REV3L: variants seen among roughly 807,000 people sequenced by gnomAD.
REV3L encodes the protein REV3 like, DNA directed polymerase zeta catalytic subunit.
A neutral mutation model predicts 299.4 loss-of-function variants in REV3L; 69 were observed. The ratio of observed to expected loss-of-function variants is 0.23; its 90% CI spans 0.19 to 0.28. REV3L has a LOEUF of 0.28. Ranked by LOEUF, REV3L falls within the 10% of genes least tolerant of loss-of-function variation. The pLI, the probability that REV3L is intolerant of heterozygous loss-of-function variation, is 1.00. For missense variants in REV3L, 3,128 were observed against 3,693.8 expected (o/e 0.85, Z 3.97); for synonymous variants, 1,238 against 1,271.4 (o/e 0.97, Z 0.56).
intron 26 of REV3L, among the ~76,000 whole-genome samples, chr6:111,317,419 C>G (rs918021680): frequency 6.6e-6 from 1 of 152,190 alleles, no homozygotes; most frequent in Non-Finnish European, 1.5e-5. Context: ...GGCTATACTT[C>G]GAACCATCTG....
chr6:111,310,333 AAAAT>A (rs1205373309), intron 29 of REV3L: 1 of 352,166 alleles, frequency 2.8e-6, no homozygotes, highest in Non-Finnish European at 4.9e-6. Context: ...TGTTACCTGG[AAAAT>A]AATGAGTTGG....
At position 111,405,541 on chromosome 6, in the gene REV3L, A is replaced by C; in HGVS notation, c.494T>G (p.Ile165Ser). The C allele has an allele frequency of 6.2e-7, 1 of 1,609,886 alleles. No individual in the cohort carries two copies. The highest frequency in any genetic ancestry group is 8.5e-7 in the Non-Finnish European group (1 of 1,178,066). Reference sequence around the variant, plus strand: ...ATTCATGCCATAAAGATTGTAGTCAATGAAGAGCTGTAGGAGGTAGGGAAT... The same window carrying C: ...ATTCATGCCATAAAGATTGTAGTCACTGAAGAGCTGTAGGAGGTAGGGAAT... ...AHIPYLLQLF[I>S]DYNLYGMNLI... is the part of the protein sequence containing the mutation. Residue 165 changes from isoleucine to serine, a missense_variant, in exon 4 of 32, where the codon ATT becomes AGT. Ile to Ser is a moderately radical substitution (Grantham distance 142). Coordinates refer to ENST00000368802, the MANE Select transcript of REV3L (RefSeq NM_001372078.1).
In REV3L at chr6:111,315,346, T is replaced by A; in HGVS notation, c.8387A>T (p.Gln2796Leu). The change falls in exon 27 of 32, where the codon CAG becomes CTG. Residue 2796 changes from glutamine (Q) to leucine (L), a missense_variant. Coordinates refer to ENST00000368802, the MANE Select transcript of REV3L (RefSeq NM_001372078.1). Reference sequence around the variant, plus strand: ...AATTTCCTGACCAATCTTAAAAGACTGCTCCTTAGTGGCTCCTTTCAGTAG... The same window carrying A: ...AATTTCCTGACCAATCTTAAAAGACAGCTCCTTAGTGGCTCCTTTCAGTAG... Reference protein sequence around the residue: ...FVLLKGATKEQSFKIGQEIAE... With the variant: ...FVLLKGATKELSFKIGQEIAE... 6.2e-7 allele frequency: 1 copy of A among 1,614,070 alleles called. No homozygotes were observed. The highest frequency in any genetic ancestry group is 8.5e-7 in the Non-Finnish European group (1 of 1,179,980).
intron 22 of REV3L, among the ~76,000 whole-genome samples, chr6:111,334,504 A>T (rs1775721786): frequency 6.6e-6 from 1 of 152,202 alleles, no homozygotes; most frequent in Non-Finnish European, 1.5e-5. Flanking sequence ...AAAAGAACTG[A>T]ATAGTAATCA....
intron 1 of REV3L, among the ~76,000 whole-genome samples, chr6:111,433,117 C>T (rs532502379): frequency 5.1e-4 from 78 of 152,046 alleles, no homozygotes; most frequent in African/African-American, 1.8e-3. Context: ...AATAGACAAC[C>T]TAATGGTATA....
intron 1 of REV3L, among the ~76,000 whole-genome samples, chr6:111,451,603 T>C (rs1583042309): frequency 6.6e-6 from 1 of 152,146 alleles, no homozygotes; most frequent in African/African-American, 2.4e-5. Context: ...ACTCTGCCTA[T>C]ATTTAAAGCA....
intron 1 of REV3L, among the ~76,000 whole-genome samples, chr6:111,435,956 A>G (rs1348061190): frequency 1.3e-5 from 2 of 152,240 alleles, no homozygotes; most frequent in African/African-American, 2.4e-5. Flanking sequence ...AAACAACTCA[A>G]TAACAACAAA....
chr6:111,437,417 T>C (rs1487072053), intron 1 of REV3L, among the ~76,000 whole-genome samples: 1 of 151,926 alleles, frequency 6.6e-6, no homozygotes, highest in Non-Finnish European at 1.5e-5. Context: ...TAAAAAGGAA[T>C]GAAGTGCTGA....
At chr6:111,462,800 T>C (rs952530187) in intron 1 of REV3L, among the ~76,000 whole-genome samples, 2 of 152,102 alleles carry the variant, frequency 1.3e-5, no homozygotes, top group African/African-American at 4.8e-5. Flanking sequence ...GACGAATAAA[T>C]AGTAAATATA....
chr6:111,319,796 A>C (rs906757185), intron 26 of REV3L, among the ~76,000 whole-genome samples: 1 of 151,792 alleles, frequency 6.6e-6, no homozygotes, highest in Non-Finnish European at 1.5e-5. Context: ...CTAGAAAGAG[A>C]ATCCAGGTCT....
At chr6:111,436,987 T>C (rs769862293) in intron 1 of REV3L, among the ~76,000 whole-genome samples, 14 of 152,178 alleles carry the variant, frequency 9.2e-5, no homozygotes, top group Non-Finnish European at 1.6e-4. Context: ...AGATATCAAA[T>C]GGCAAATAAG....
chr6:111,460,460 G>A (rs1423889627), intron 1 of REV3L: 4 of 151,542 alleles, frequency 2.6e-5, no homozygotes, highest in Admixed American at 6.6e-5. Flanking sequence ...AAATATATAC[G>A]TAAAAGCCAT....
intron 15 of REV3L, among the ~76,000 whole-genome samples, chr6:111,364,265 T>C (rs1297715702): frequency 2.6e-5 from 4 of 152,026 alleles, no homozygotes; most frequent in Non-Finnish European, 5.9e-5. Context: ...TTGACATTTA[T>C]ACCACATGGA....
chr6:111,451,712 C>T (rs1266167846), intron 1 of REV3L, among the ~76,000 whole-genome samples: 4 of 152,080 alleles, frequency 2.6e-5, no homozygotes, highest in Non-Finnish European at 4.4e-5. Context: ...AAAAGTACCA[C>T]CTAATGACAA....
intron 5 of REV3L, among the ~76,000 whole-genome samples, chr6:111,392,483 CTTAT>C (rs1782035477): frequency 6.6e-6 from 1 of 151,918 alleles, no homozygotes; most frequent in South Asian, 2.1e-4. Context: ...TACTTTATTA[CTTAT>C]TTAATATTTA....
intron 13 of REV3L, among the ~76,000 whole-genome samples, chr6:111,370,680 G>A (rs527442690): frequency 2.7e-4 from 41 of 152,142 alleles, no homozygotes; most frequent in African/African-American, 9.4e-4. Flanking sequence ...ATTCACTGTC[G>A]TGTTTTTTTA....
chr6:111,377,825 G>A lies in REV3L; in HGVS notation c.1473C>T (p.Thr491=). Reference sequence around the variant, plus strand: ...CATCATCTTCAGTTGAACTTCTGTGGGTATTTCTGCACAGTGATCTGGAGA... The same window carrying A: ...CATCATCTTCAGTTGAACTTCTGTGAGTATTTCTGCACAGTGATCTGGAGA... ...CAKKRSLCRN[T]HRSSTEDDDS... The change falls in exon 12 of 32, where the codon ACC becomes ACT. Residue 491 remains threonine, a synonymous_variant. Transcript: ENST00000368802. The A allele has an allele frequency of 6.2e-7, 1 of 1,611,800 alleles. No individual in the cohort carries two copies. Among genetic ancestry groups the A allele is most frequent in the Non-Finnish European group, 8.5e-7 (1 of 1,179,136 alleles).
At chr6:111,315,991 G>C (rs1008306480) in intron 26 of REV3L, among the ~76,000 whole-genome samples, 5 of 152,120 alleles carry the variant, frequency 3.3e-5, no homozygotes, top group African/African-American at 1.2e-4. Context: ...TATAATCCCA[G>C]CATTTTGGGA....
chr6:111,384,595 G>T (rs1781152841), intron 9 of REV3L, among the ~76,000 whole-genome samples: 1 of 152,030 alleles, frequency 6.6e-6, no homozygotes, highest in African/African-American at 2.4e-5. Context: ...AGGCAATAAT[G>T]AATGCTGGCA....
Sources: allele counts gnomAD v4.1 joint callset (sites outside exome capture counted in the v4.1 genomes callset), GRCh38; gene constraint gnomAD v4.1.1; transcripts MANE v1.5; gene names NCBI Gene and HGNC (gene_info 2026-07-23, HGNC 2026-07-21).